The following PPP1R9A variants were observed in gnomAD, a reference collection of about 807,000 sequenced individuals.
PPP1R9A encodes protein phosphatase 1 regulatory subunit 9A, also known as neurabin-1.
PPP1R9A carries 59 observed loss-of-function variants against 141.9 expected under a neutral mutation model. The ratio of observed to expected loss-of-function variants is 0.42; its 90% CI spans 0.34 to 0.52. The LOEUF (loss-of-function observed/expected upper bound fraction) is 0.52. PPP1R9A is among the 20% of genes least tolerant of loss of function. PPP1R9A has a pLI of 0.10. For synonymous variants in PPP1R9A, 500 were observed against 569.7 expected (o/e 0.88, Z 1.74); for missense variants, 1,444 against 1,611.9 (o/e 0.90, Z 1.78).
intron 7 of PPP1R9A, among the ~76,000 whole-genome samples, chr7:95,204,612 C>T (rs373915429): frequency 6.0e-5 from 9 of 150,716 alleles, no homozygotes; most frequent in African/African-American, 2.2e-4. Flanking sequence ...ACACACCACA[C>T]ACACACCACA....
intron 4 of PPP1R9A, among the ~76,000 whole-genome samples, chr7:95,132,098 T>C (rs1234921922): frequency 6.6e-6 from 1 of 152,202 alleles, no homozygotes; most frequent in Non-Finnish European, 1.5e-5. Context: ...TGGTGGAGTC[T>C]TTAGGGCTTT....
At chr7:95,178,964 A>G (rs1833305243) in intron 5 of PPP1R9A, among the ~76,000 whole-genome samples, 1 of 152,094 alleles carries the variant, frequency 6.6e-6, no homozygotes, top group Non-Finnish European at 1.5e-5. Context: ...AAGAATTGGT[A>G]CCAATCCTAT....
At chr7:95,072,772 TA>T (rs1563196891) in intron 2 of PPP1R9A, among the ~76,000 whole-genome samples, 12 of 105,158 alleles carry the variant, frequency 1.1e-4, no homozygotes, top group Admixed American at 2.9e-4. Flanking sequence ...ATATATATAT[TA>T]AATATATATA....
At position 95,161,968 on chromosome 7, in the gene PPP1R9A, T is replaced by C; in HGVS notation, c.1751T>C (p.Val584Ala). 6.2e-7 allele frequency: 1 copy of C among 1,600,496 alleles called. No homozygotes were observed. Among genetic ancestry groups the C allele is most frequent in the Non-Finnish European group, 8.5e-7 (1 of 1,170,098 alleles). The change falls in exon 5 of 20, where the codon GTC (valine) becomes GCC (alanine). Residue 584 changes from valine (V) to alanine (A), a missense_variant. By Grantham distance (64) the Val-to-Ala change is moderately conservative. Around this residue, in one of 5 missense-constraint regions of PPP1R9A, gnomAD observed 488 missense variants for 542.0 expected, o/e 0.90. Coordinates refer to ENST00000433360, the MANE Select transcript of PPP1R9A (RefSeq NM_001166160.2). ...ATVLRNTKGN[V>A]RFVIGREKPG... Reference sequence around the variant, plus strand: ...GTTCTCAGAAACACCAAGGGCAACGTCAGGTAAATACGTGCCTTCTAATAT... The same window carrying C: ...GTTCTCAGAAACACCAAGGGCAACGCCAGGTAAATACGTGCCTTCTAATAT...
chr7:94,980,956 G>A (rs937302769), intron 2 of PPP1R9A, among the ~76,000 whole-genome samples: 6 of 152,092 alleles, frequency 3.9e-5, no homozygotes, highest in African/African-American at 1.4e-4. Flanking sequence ...CCTATTTGAA[G>A]GTGAACAAAC....
intron 12 of PPP1R9A, among the ~76,000 whole-genome samples, chr7:95,260,133 A>C (rs1199730539): frequency 6.6e-6 from 1 of 152,172 alleles, no homozygotes; most frequent in African/African-American, 2.4e-5. Context: ...TTTCTGGTGT[A>C]TCATTAAGGC....
chr7:95,058,240 ATTG>A (rs1041007715), intron 2 of PPP1R9A, among the ~76,000 whole-genome samples: 11 of 152,218 alleles, frequency 7.2e-5, no homozygotes, highest in Admixed American at 7.2e-4. Flanking sequence ...CTAAATTAAA[ATTG>A]TTAACTGGAC....
intron 2 of PPP1R9A, among the ~76,000 whole-genome samples, chr7:95,024,381 A>C (rs1189475688): frequency 6.6e-6 from 1 of 152,092 alleles, no homozygotes; most frequent in Non-Finnish European, 1.5e-5. Context: ...GGGGTGTTAA[A>C]ATCTCCCACT....
chr7:95,103,380 T>G (rs1378629844), intron 2 of PPP1R9A, among the ~76,000 whole-genome samples: 4 of 143,690 alleles, frequency 2.8e-5, no homozygotes, highest in Non-Finnish European at 3.0e-5. Context: ...TTTTTTTTTT[T>G]GAGACAGTCT....
chr7:95,221,287 C>T (rs1226196373), intron 7 of PPP1R9A, among the ~76,000 whole-genome samples: 1 of 152,066 alleles, frequency 6.6e-6, no homozygotes, highest in Non-Finnish European at 1.5e-5. Context: ...TTTGTCCTTA[C>T]TTTATAGATG....
At chr7:94,960,980 G>C (rs1797575670) in intron 2 of PPP1R9A, among the ~76,000 whole-genome samples, 1 of 151,584 alleles carries the variant, frequency 6.6e-6, no homozygotes, top group South Asian at 2.1e-4. Flanking sequence ...TATTGGCAGG[G>C]AAGATACATG....
At chr7:94,952,373 TTCCAAG>T (rs1796571758) in intron 2 of PPP1R9A, among the ~76,000 whole-genome samples, 1 of 152,212 alleles carries the variant, frequency 6.6e-6, no homozygotes. Context: ...TTTGGGTTGG[TTCCAAG>T]TCTTTGCTAT....
intron 5 of PPP1R9A, among the ~76,000 whole-genome samples, chr7:95,189,475 C>T (rs1294159690): frequency 2.4e-5 from 3 of 124,946 alleles, no homozygotes; most frequent in South Asian, 5.0e-4. Flanking sequence ...CTCGCTCTGT[C>T]GCCCAGGCTG....
At chr7:95,205,704 C>A (rs1226625644) in intron 7 of PPP1R9A, among the ~76,000 whole-genome samples, 1 of 152,128 alleles carries the variant, frequency 6.6e-6, no homozygotes, top group Non-Finnish European at 1.5e-5. Flanking sequence ...GTGCACCTTT[C>A]AGGGTTCCAT....
intron 2 of PPP1R9A, among the ~76,000 whole-genome samples, chr7:95,103,862 T>A (rs1819152975): frequency 6.6e-6 from 1 of 152,236 alleles, no homozygotes. Context: ...GGTAAAGAGA[T>A]AATTTGTGTA....
At chr7:95,255,220 T>G (rs1799414805) in intron 12 of PPP1R9A, among the ~76,000 whole-genome samples, 1 of 152,136 alleles carries the variant, frequency 6.6e-6, no homozygotes. Context: ...GTTAGAGTGA[T>G]CTTGGTAGGC....
At position 94,910,201 on chromosome 7, in the gene PPP1R9A, C is replaced by G; in HGVS notation, c.88C>G (p.Leu30Val). 6.2e-7 allele frequency: 1 copy of G among 1,614,034 alleles called. No homozygotes were observed. Residue 30 changes from leucine to valine, a missense_variant, in exon 2 of 20, where the codon CTG becomes GTG. By Grantham distance (32) the Leu-to-Val change is conservative. Coordinates refer to ENST00000433360, the MANE Select transcript of PPP1R9A (RefSeq NM_001166160.2). This position sits in a 1 kb window ranked among gnomAD's most constrained non-coding sequence, Gnocchi z 4.5. ...TGCATATCGAACTGAGTTTCAGGCA[C>G]TGAAAAGTACCTTTGACAAACCCAA... ...RNAYRTEFQALKSTFDKPKSD... is the reference protein window; with the variant it reads ...RNAYRTEFQAVKSTFDKPKSD...
At position 94,924,062 on chromosome 7, in the gene PPP1R9A, ATATAAT is replaced by A. The variant is rs545458887; in HGVS notation, c.1395+12560_1395+12565del. 3.7e-3 allele frequency among the ~76,000 whole-genome samples: 559 copies of A among 152,336 alleles called. 3 individuals are homozygous for A. The highest frequency in any genetic ancestry group is 0.013 in the African/African-American group (524 of 41,578). On this transcript the variant is annotated intron_variant, in intron 2 of 19. Transcript: ENST00000433360. ...CTAGTAGTGATATATAGATGATTGT[ATATAAT>A]TATAAGAACTATTTAAAGAAAAAGA... is the stretch of plus-strand genomic sequence containing the variant.
chr7:95,206,848 C>T (rs145564442), intron 7 of PPP1R9A, among the ~76,000 whole-genome samples: 1,548 of 152,216 alleles, frequency 0.01, 26 homozygotes, highest in African/African-American at 0.035. Flanking sequence ...AACCCAGGGT[C>T]CACCTGATAT....
Sources: gnomAD v4.1 joint callset for allele counts (sites outside exome capture counted in the v4.1 genomes callset) on GRCh38, gnomAD v4.1.1 for gene constraint, gnomAD v4.1.1 regional missense constraint, Gnocchi (gnomAD v3.1) non-coding constraint, MANE v1.5 for transcripts, NCBI Gene and HGNC (gene_info 2026-07-23, HGNC 2026-07-21) for gene names.